CDH13: variants seen among roughly 807,000 people sequenced by gnomAD.
CDH13 encodes cadherin-13.
Under a neutral mutation model 63.8 loss-of-function variants are expected in CDH13, and 24 were observed. The observed-to-expected ratio is 0.38, with a 90% CI of 0.27 to 0.53. The LOEUF (loss-of-function observed/expected upper bound fraction) is 0.53, where lower values mean the gene tolerates loss of function less well. Among genes scored for constraint, CDH13 ranks in the 20% least tolerant of loss-of-function variants. CDH13 has a pLI of 0.85. For synonymous variants in CDH13, 503 were observed against 355.3 expected (o/e 1.42, Z -4.67); for missense variants, 1,049 against 903.1 (o/e 1.16, Z -2.07).
chr16:83,773,378 C>G (rs1264898436), intron 11 of CDH13, among the ~76,000 whole-genome samples: 2 of 152,158 alleles, frequency 1.3e-5, no homozygotes, highest in Non-Finnish European at 2.9e-5. Flanking sequence ...CTCATAGTTC[C>G]ACATGGCTGG....
At chr16:83,268,955 C>T (rs1050911623) in intron 5 of CDH13, among the ~76,000 whole-genome samples, 2 of 148,806 alleles carry the variant, frequency 1.3e-5, no homozygotes, top group African/African-American at 5.0e-5. Context: ...AGATGGGAGG[C>T]TTGTCAAAGA....
chr16:83,393,224 T>G (rs1020820789), intron 6 of CDH13, among the ~76,000 whole-genome samples: 13 of 152,166 alleles, frequency 8.5e-5, no homozygotes, highest in African/African-American at 3.1e-4. Context: ...ATGCCACCTT[T>G]GGGTGGGCAG....
At chr16:82,771,234 AGT>A (rs1320709022) in intron 1 of CDH13, among the ~76,000 whole-genome samples, 1 of 152,206 alleles carries the variant, frequency 6.6e-6, no homozygotes, top group Non-Finnish European at 1.5e-5. Flanking sequence ...GGTGCTTTCC[AGT>A]TTTTTACAAT....
intron 6 of CDH13, among the ~76,000 whole-genome samples, chr16:83,462,559 T>G (rs920667871): frequency 6.6e-6 from 1 of 152,182 alleles, no homozygotes; most frequent in African/African-American, 2.4e-5. Flanking sequence ...GAGACCAGCC[T>G]GGCCAACATG....
intron 5 of CDH13, among the ~76,000 whole-genome samples, chr16:83,249,948 G>T (rs934794011): frequency 6.6e-6 from 1 of 152,090 alleles, no homozygotes; most frequent in Non-Finnish European, 1.5e-5. Flanking sequence ...ACAAATGTTT[G>T]ACTAACAATC....
At chr16:83,476,291 C>T (rs1015858349) in intron 6 of CDH13, among the ~76,000 whole-genome samples, 4 of 152,138 alleles carry the variant, frequency 2.6e-5, no homozygotes, top group Non-Finnish European at 1.5e-5. Flanking sequence ...AAAGTATCCC[C>T]AGGCATTGCC....
chr16:82,824,866 G>T (rs1305857987), intron 1 of CDH13: 1 of 152,196 alleles, frequency 6.6e-6, no homozygotes, highest in Non-Finnish European at 1.5e-5. Context: ...GATGTTTGCT[G>T]CCATTTAGAA....
intron 5 of CDH13, among the ~76,000 whole-genome samples, chr16:83,291,104 C>T (rs2089456082): frequency 6.6e-6 from 1 of 152,186 alleles, no homozygotes; most frequent in African/African-American, 2.4e-5. Flanking sequence ...TTCAAAGCGG[C>T]AAGCTACCAA....
intron 6 of CDH13, among the ~76,000 whole-genome samples, chr16:83,467,616 TTTCTTTG>T (rs2073349483): frequency 6.6e-6 from 1 of 152,166 alleles, no homozygotes; most frequent in South Asian, 2.1e-4. Flanking sequence ...ACGCTGAAAC[TTTCTTTG>T]GGCACGAGAC....
chr16:83,744,620 C>G (rs1850590616), intron 10 of CDH13, among the ~76,000 whole-genome samples: 1 of 152,142 alleles, frequency 6.6e-6, no homozygotes. Flanking sequence ...CCGTGTGAGT[C>G]ACATCAGGGA....
chr16:83,040,072 G>A (rs980926205), intron 3 of CDH13, among the ~76,000 whole-genome samples: 1 of 151,534 alleles, frequency 6.6e-6, no homozygotes, highest in African/African-American at 2.4e-5. Context: ...TGAGCTGAAG[G>A]CCCTCGCTCC....
chr16:83,191,642 C>T (rs540693595), intron 4 of CDH13, among the ~76,000 whole-genome samples: 1 of 150,364 alleles, frequency 6.7e-6, no homozygotes, highest in East Asian at 2.0e-4. Context: ...CATCTGCAAG[C>T]TGAGGAGCAA....
At chr16:82,642,827 A>G (rs953992684) in intron 1 of CDH13, among the ~76,000 whole-genome samples, 6 of 152,202 alleles carry the variant, frequency 3.9e-5, no homozygotes, top group Non-Finnish European at 7.3e-5. Flanking sequence ...ACTCTATAAA[A>G]TATCTTCTAT....
At chr16:83,700,430 A>C (rs924035344) in intron 10 of CDH13, among the ~76,000 whole-genome samples, 2 of 152,236 alleles carry the variant, frequency 1.3e-5, no homozygotes, top group Non-Finnish European at 2.9e-5. Flanking sequence ...CCCGATTAAA[A>C]ATAGCTATTT....
intron 9 of CDH13, among the ~76,000 whole-genome samples, chr16:83,676,167 G>T (rs979903957): frequency 1.3e-5 from 2 of 152,188 alleles, no homozygotes; most frequent in South Asian, 2.1e-4. Context: ...GGCACAAATT[G>T]GTTATTTCCA....
At chr16:83,540,735 G>T (rs1288409567) in intron 7 of CDH13, among the ~76,000 whole-genome samples, 1 of 152,152 alleles carries the variant, frequency 6.6e-6, no homozygotes, top group African/African-American at 2.4e-5. Context: ...CTGGTCTCAA[G>T]TAGTAATTGC....
intron 2 of CDH13, among the ~76,000 whole-genome samples, chr16:82,873,149 A>G (rs1042292043): frequency 6.6e-6 from 1 of 152,190 alleles, no homozygotes; most frequent in African/African-American, 2.4e-5. Context: ...GTAAAAATCA[A>G]TGGTATAAAC....
rs751575054 is a variant in CDH13 at position 83,797,782 on chromosome 16, T to C, written c.*2752T>C. The C allele has an allele frequency of 1.7e-4, 26 of 152,336 alleles. No individual in the cohort carries two copies. Among genetic ancestry groups the C allele is most frequent in the Non-Finnish European group, 2.8e-4 (19 of 68,042 alleles). The allele number at this position is 152,336 out of a possible 1,614,324, so 9.4% of individuals were successfully genotyped here. On this transcript the variant is annotated 3_prime_UTR_variant, in exon 14 of 14. Transcript: ENST00000567109. The stretch of plus-strand genomic sequence containing the variant: ...GAGGGTTTTATTTCCACTGAGCAAA[T>C]AGTCACACCTTCACTTCTTTTTATT...
intron 11 of CDH13, among the ~76,000 whole-genome samples, chr16:83,760,344 A>G (rs1050140491): frequency 1.3e-5 from 2 of 152,236 alleles, no homozygotes; most frequent in Non-Finnish European, 2.9e-5. Context: ...CAGGAATTAC[A>G]TGCCTAGGTA....
Sources: allele counts gnomAD v4.1 joint callset (sites outside exome capture counted in the v4.1 genomes callset), GRCh38; gene constraint gnomAD v4.1.1; transcripts MANE v1.5; gene names NCBI Gene and HGNC (gene_info 2026-07-23, HGNC 2026-07-21).